LPL: variants seen among roughly 807,000 people sequenced by gnomAD.
The protein encoded by LPL is phospholipase A1.
Under a neutral mutation model 52.2 loss-of-function variants are expected in LPL, and 43 were observed. The ratio of observed to expected loss-of-function variants is 0.82; its 90% CI spans 0.64 to 1.06. The LOEUF (loss-of-function observed/expected upper bound fraction) is 1.06. Ranked by LOEUF, LPL falls within the 50% of genes least tolerant of loss-of-function variation. LPL has a pLI of 0.00. For synonymous variants in LPL, 244 were observed against 215.6 expected, an observed-to-expected ratio of 1.13 and a Z score of -1.15; for missense variants, 639 against 585.3, an observed-to-expected ratio of 1.09 and a Z score of -0.95.
chr8:19,939,366 C>G lies in LPL; in HGVS notation c.-75C>G. On this transcript the variant is annotated 5_prime_UTR_variant, in exon 1 of 10. Transcript: ENST00000650287. The surrounding 1 kb of genome is among the most constrained non-coding windows in gnomAD (Gnocchi z 4.0). ...TCAGCGCCAAACCGCGGCTCCAGCC[C>G]TCTCCAGCCTCCGGCTCAGCCGGCT... is the stretch of plus-strand genomic sequence containing the variant. The G allele has an allele frequency of 6.9e-7, 1 of 1,456,752 alleles. No individual in the cohort carries two copies. The allele number at this position is 1,456,752 out of a possible 1,614,324, so 90.2% of individuals were successfully genotyped here.
chr8:19,943,786 T>A (rs918854436), intron 1 of LPL, among the ~76,000 whole-genome samples: 1 of 152,212 alleles, frequency 6.6e-6, no homozygotes, highest in South Asian at 2.1e-4. Flanking sequence ...ACCCCTCTTT[T>A]TCAGTAGTGT....
chr8:19,959,513 G>C (rs1438781362), intron 7 of LPL, 133 bp downstream of exon 7: 2 of 1,167,672 alleles, frequency 1.7e-6, no homozygotes, highest in Non-Finnish European at 2.3e-6. Context: ...TTTCAAAATT[G>C]AGGTCTTTCC....
chr8:19,966,175 A>T lies in LPL; in HGVS notation c.*865A>T, dbSNP rs2070087742. 2 of 151,608 alleles carry T rather than the reference A, an allele frequency of 1.3e-5. No individual in the cohort carries two copies. Among genetic ancestry groups the T allele is most frequent in the Admixed American group, 1.3e-4 (2 of 15,230 alleles). The allele number at this position is 151,608 out of a possible 1,614,324, so 9.4% of individuals were successfully genotyped here. A position where few individuals can be genotyped will look rare whatever the true frequency, so the allele number is the denominator to read the frequency against. The stretch of plus-strand genomic sequence containing the variant: ...TTATTAGATTCTCCAAATGATTTTC[A>T]TCAATTTAAAATCATTCAATATCTG... On this transcript the variant is annotated 3_prime_UTR_variant, in exon 10 of 10. Transcript: ENST00000650287.
chr8:19,941,357 C>T (rs1247545650), intron 1 of LPL, among the ~76,000 whole-genome samples: 1 of 152,092 alleles, frequency 6.6e-6, no homozygotes, highest in Non-Finnish European at 1.5e-5. Context: ...AAACAAGCAC[C>T]GAAATATGTC....
intron 3 of LPL, among the ~76,000 whole-genome samples, chr8:19,952,778 A>T (rs1188142488): frequency 6.6e-6 from 1 of 152,172 alleles, no homozygotes; most frequent in African/African-American, 2.4e-5. Flanking sequence ...CTTCCACTGA[A>T]TGTTTCCTGA....
chr8:19,942,953 C>G (rs188474584), intron 1 of LPL, among the ~76,000 whole-genome samples: 1 of 152,334 alleles, frequency 6.6e-6, no homozygotes, highest in East Asian at 1.9e-4. Flanking sequence ...TCTGTGCTCT[C>G]AGAATGATCA....
At chr8:19,954,076 A>C in intron 4 of LPL, 44 bp from the exon 5 acceptor site, 3 of 1,398,562 alleles carry the variant, frequency 2.1e-6, no homozygotes, top group Non-Finnish European at 3.1e-6. Context: ...TGTCATACGA[A>C]TGGAAATTTA....
intron 7 of LPL, among the ~76,000 whole-genome samples, chr8:19,960,159 A>G (rs964326395): frequency 2.0e-5 from 3 of 152,166 alleles, no homozygotes; most frequent in Non-Finnish European, 4.4e-5. Flanking sequence ...AGATGAACAA[A>G]TCTTTAAAAA....
At position 19,962,176 on chromosome 8, in the gene LPL, T is replaced by C; in HGVS notation, c.1384T>C (p.Phe462Leu). 1 of 1,613,872 alleles carries C rather than the reference T, an allele frequency of 6.2e-7. No individual in the cohort carries two copies. Among genetic ancestry groups the C allele is most frequent in the South Asian group, 1.1e-5 (1 of 91,076 alleles). The change falls in exon 9 of 10, where the codon TTT becomes CTT. Residue 462 changes from phenylalanine (F) to leucine (L), a missense_variant. Coordinates refer to ENST00000650287, the MANE Select transcript of LPL (RefSeq NM_000237.3). ...GCAGAAAGGAAAGGCACCTGCGGTA[T>C]TTGTGAAATGCCATGACAAGTCTCT... ...HLQKGKAPAV[F>L]VKCHDKSLNK...
intron 7 of LPL, among the ~76,000 whole-genome samples, 195 bp from the exon 8 acceptor site, chr8:19,960,706 C>A (rs778488239): frequency 1.8e-4 from 27 of 152,138 alleles, no homozygotes; most frequent in Non-Finnish European, 3.5e-4. Flanking sequence ...AGGATAAATG[C>A]TGGAATGTGG....
At chr8:19,959,646 A>G (rs2070019603) in intron 7 of LPL, among the ~76,000 whole-genome samples, 1 of 152,096 alleles carries the variant, frequency 6.6e-6, no homozygotes, top group Non-Finnish European at 1.5e-5. Flanking sequence ...GTTAAACAAT[A>G]TAATTAAACT....
At chr8:19,959,147 C>T (rs1196483153) in intron 6 of LPL, 113 bp from the exon 7 acceptor site, 13 of 1,332,676 alleles carry the variant, frequency 9.8e-6, no homozygotes, top group South Asian at 3.6e-5. Context: ...TGTGTGTGCA[C>T]TTCCGGTTTG....
At position 19,939,760 on chromosome 8, in the gene LPL, G is replaced by A. The variant is rs923265323; in HGVS notation, c.88+232G>A. Among the ~76,000 whole-genome samples, 3 of 152,170 alleles carry A rather than the reference G, an allele frequency of 2.0e-5. No individual in the cohort carries two copies. Among genetic ancestry groups the A allele is most frequent in the South Asian group, 2.1e-4 (1 of 4,828 alleles). Reference sequence around the variant, plus strand: ...CGCCCAGTTCCCGCTTTTTCTCTCTGCCGGGTTCCCGCGCTATCCCTTCCA... The same window carrying A: ...CGCCCAGTTCCCGCTTTTTCTCTCTACCGGGTTCCCGCGCTATCCCTTCCA... On this transcript the variant is annotated intron_variant, in intron 1 of 9. Coordinates refer to ENST00000650287, the MANE Select transcript of LPL (RefSeq NM_000237.3). This position sits in a 1 kb window ranked among gnomAD's most constrained non-coding sequence, Gnocchi z 4.0.
At chr8:19,959,429 C>A in intron 7 of LPL, 49 bp downstream of exon 7, 1 of 1,612,014 alleles carries the variant, frequency 6.2e-7, no homozygotes, top group Middle Eastern at 1.7e-4. Flanking sequence ...CCTCTCCTGC[C>A]ATAACCCTTG....
Position 19,966,098 on chromosome 8 carries a change from G to C in LPL, c.*788G>C, listed in dbSNP as rs1394967140. 2.0e-5 allele frequency: 3 copies of C among 151,430 alleles called. No homozygotes were observed. The East Asian group carries it at 5.8e-4, about 29-fold the overall frequency. The allele number at this position is 151,430 out of a possible 1,614,324, so 9.4% of individuals were successfully genotyped here. ...GTTGAAAATGAGCCTGTAATCCTCA[G>C]CTGACACATAATTTGAATGGTGCAG... On this transcript the variant is annotated 3_prime_UTR_variant, in exon 10 of 10. Coordinates refer to ENST00000650287, the MANE Select transcript of LPL (RefSeq NM_000237.3).
intron 9 of LPL, among the ~76,000 whole-genome samples, chr8:19,962,694 A>C (rs2070050765): frequency 6.6e-6 from 1 of 152,218 alleles, no homozygotes; most frequent in Admixed American, 6.5e-5. Flanking sequence ...AAGTGCCAGC[A>C]TACTCCGGGA....
chr8:19,958,406 C>T (rs2070006509), intron 6 of LPL, among the ~76,000 whole-genome samples: 1 of 152,032 alleles, frequency 6.6e-6, no homozygotes, highest in Non-Finnish European at 1.5e-5. Context: ...GGCCCATTTG[C>T]TCAGGGTTTT....
In LPL at chr8:19,950,026, T is replaced by C. The variant is rs982464354; in HGVS notation, c.249+1686T>C. ...AACAGACGGTGCCACTTCCTATCAT[T>C]GGTCCTACTGCCTCACTAAGCCCAC... On this transcript the variant is annotated intron_variant, in intron 2 of 9. Transcript: ENST00000650287. This position sits in a 1 kb window ranked among gnomAD's most constrained non-coding sequence, Gnocchi z 4.2. Among the ~76,000 whole-genome samples the C allele has an allele frequency of 2.6e-5, 4 of 152,202 alleles. No individual in the cohort carries two copies. The highest frequency in any genetic ancestry group is 5.9e-5 in the Non-Finnish European group (4 of 68,034).
chr8:19,954,002 A>C, intron 4 of LPL, 118 bp from the exon 5 acceptor site: 1 of 764,478 alleles, frequency 1.3e-6, no homozygotes, highest in Non-Finnish European at 2.4e-6. Context: ...TGACTGTAGA[A>C]TAGGAGCTAA....
Sources: gnomAD v4.1 joint callset for allele counts (sites outside exome capture counted in the v4.1 genomes callset) on GRCh38, gnomAD v4.1.1 for gene constraint, Gnocchi (gnomAD v3.1) non-coding constraint, MANE v1.5 for transcripts, NCBI Gene and HGNC (gene_info 2026-07-23, HGNC 2026-07-21) for gene names.